The following TAF1L variants were observed in gnomAD, a reference collection of about 807,000 sequenced individuals.
TAF1L encodes transcription initiation factor TFIID subunit 1-like.
Under a neutral mutation model 128.8 loss-of-function variants are expected in TAF1L, and 30 were observed. The ratio of observed to expected loss-of-function variants is 0.23; its 90% CI spans 0.17 to 0.32. The LOEUF is 0.32. TAF1L is among the 10% of genes least tolerant of loss of function. The pLI, the probability that TAF1L is intolerant of heterozygous loss-of-function variation, is 1.00. For missense variants in TAF1L, 2,099 were observed against 2,253.7 expected (o/e 0.93, Z 1.39); for synonymous variants, 764 against 790.7 (o/e 0.97, Z 0.57).
rs945182581 is a variant in TAF1L at position 32,631,287 on chromosome 9, C to T, written c.4293G>A (p.Lys1431=). The change falls in exon 1 of 1, where the codon AAG becomes AAA. Residue 1431 remains lysine (K), a synonymous_variant. Transcript: ENST00000242310. This position sits in a 1 kb window ranked among gnomAD's most constrained non-coding sequence, Gnocchi z 4.1. ...THPFHTPVNA[K]VVKDYYKIIT... is the part of the protein sequence containing the mutation. ...TGATTTTGTAGTAGTCCTTTACAACCTTTGCATTGACTGGAGTGTGGAAAG... is the reference window on the plus strand; with the variant it reads ...TGATTTTGTAGTAGTCCTTTACAACTTTTGCATTGACTGGAGTGTGGAAAG... The T allele has an allele frequency of 6.2e-7, 1 of 1,614,160 alleles. No individual in the cohort carries two copies. Among genetic ancestry groups the T allele is most frequent in the Non-Finnish European group, 8.5e-7 (1 of 1,180,030 alleles).
In TAF1L at chr9:32,635,623, G is replaced by A; in HGVS notation, c.-44C>T. On this transcript the variant is annotated 5_prime_UTR_variant, in exon 1 of 1. Transcript: ENST00000242310. ...CAGTCGCCCGGAAGTGATCTACTTAGCTCCCTTACCCTACCAGCGTCTACC... is the reference window on the plus strand; with the variant it reads ...CAGTCGCCCGGAAGTGATCTACTTAACTCCCTTACCCTACCAGCGTCTACC... 2 of 1,383,960 alleles carry A rather than the reference G, an allele frequency of 1.4e-6. No individual in the cohort carries two copies. The highest frequency in any genetic ancestry group is 1.9e-6 in the Non-Finnish European group (2 of 1,041,932). 85.7% of individuals were successfully genotyped at this position (1,383,960 alleles called of 1,614,324 possible).
In TAF1L at chr9:32,631,526, C is replaced by A; in HGVS notation, c.4054G>T (p.Val1352Leu). 1 of 1,614,206 alleles carries A rather than the reference C, an allele frequency of 6.2e-7. No homozygotes were observed. Among genetic ancestry groups the A allele is most frequent in the South Asian group, 1.1e-5 (1 of 91,084 alleles). Reference sequence around the variant, plus strand: ...AGAGATTTTCTGCGAACCTCATGCACATTCTCAATTAGCTGTTTCCCGAAG... The same window carrying A: ...AGAGATTTTCTGCGAACCTCATGCAAATTCTCAATTAGCTGTTTCCCGAAG... ...IVFGKQLIEN[V>L]HEVRRKSLVL... Residue 1352 changes from valine (V) to leucine (L), a missense_variant, in exon 1 of 1, where the codon GTG becomes TTG. Val to Leu is a conservative substitution (Grantham distance 32, BLOSUM62 1). Around this residue, in one of 4 missense-constraint regions of TAF1L, gnomAD observed 1,213 missense variants for 1,391.4 expected, o/e 0.87. Coordinates refer to ENST00000242310, the MANE Select transcript of TAF1L (RefSeq NM_153809.2). This position sits in a 1 kb window ranked among gnomAD's most constrained non-coding sequence, Gnocchi z 4.1.
In TAF1L at chr9:32,630,603, C is replaced by G; in HGVS notation, c.4977G>C (p.Gly1659=). The part of the protein sequence containing the change: ...ELESLDPMTP[G]PYTSQPPDMY... ...TATCAGGAGGCTGAGATGTGTAGGG[C>G]CCTGGGGTCATTGGGTCCAGGCTTT... is the stretch of plus-strand genomic sequence containing the variant. Residue 1659 remains glycine, a synonymous_variant, in exon 1 of 1, where the codon GGG becomes GGC. Transcript: ENST00000242310. 6.2e-7 allele frequency: 1 copy of G among 1,614,108 alleles called. No individual in the cohort carries two copies.
At position 32,635,027 on chromosome 9, in the gene TAF1L, T is replaced by C; in HGVS notation, c.553A>G (p.Ile185Val). The part of the protein sequence containing the change: ...TCVSESGEDI[I>V]LPSIIAPSFL... ...GAAGGGGCAATGATGGAGGGCAAGA[T>C]GATGTCTTCTCCACTTTCAGACACA... Residue 185 changes from isoleucine to valine, a missense_variant, in exon 1 of 1, where the codon ATC becomes GTC. Physicochemically the swap from Ile to Val is conservative, Grantham distance 29. Transcript: ENST00000242310. 6.2e-7 allele frequency: 1 copy of C among 1,614,130 alleles called. No homozygotes were observed. Among genetic ancestry groups the C allele is most frequent in the Non-Finnish European group, 8.5e-7 (1 of 1,180,028 alleles).
At position 32,630,829 on chromosome 9, in the gene TAF1L, C is replaced by A; in HGVS notation, c.4751G>T (p.Arg1584Leu). The A allele has an allele frequency of 6.2e-7, 1 of 1,614,138 alleles. No homozygotes were observed. Among genetic ancestry groups the A allele is most frequent in the Non-Finnish European group, 8.5e-7 (1 of 1,180,022 alleles). The stretch of plus-strand genomic sequence containing the variant: ...GTTTACATCATCTAGAAAACTCTCC[C>A]GACTCTGATACTTGTGCTTGGAGAT... ...KNISKHKYQS[R>L]ESFLDDVNLI... is the part of the protein sequence containing the mutation. The change falls in exon 1 of 1, where the codon CGG (arginine) becomes CTG (leucine). Residue 1584 changes from arginine to leucine, a missense_variant. Physicochemically the swap from Arg to Leu is moderately radical, Grantham distance 102 (BLOSUM62 -2). Around this residue, in one of 4 missense-constraint regions of TAF1L, gnomAD observed 404 missense variants for 406.5 expected, o/e 0.99. Transcript: ENST00000242310.
rs55895024 is a variant in TAF1L, at chr9:32,635,391, C to T, written c.189G>A (p.Lys63=). Residue 63 remains lysine (K), a synonymous_variant, in exon 1 of 1, where the codon AAG becomes AAA. Transcript: ENST00000242310. The stretch of plus-strand genomic sequence containing the variant: ...CCAAAGCCCCCAAGCCTGCCAAGTG[C>T]TTCTTACACTCATCATCCAAGACGC... ...GESVLDDECK[K]HLAGLGALGL... 0.019 allele frequency: 30,423 copies of T among 1,614,172 alleles called. 354 individuals carry two copies. Among genetic ancestry groups the T allele is most frequent in the Non-Finnish European group, 0.022 (25,666 of 1,180,030 alleles).
rs757865997 is a variant in TAF1L, at chr9:32,631,552, A to T, written c.4028T>A (p.Val1343Asp). The change falls in exon 1 of 1, where the codon GTC (valine) becomes GAC (aspartate). Residue 1343 changes from valine to aspartate, a missense_variant. Coordinates refer to ENST00000242310, the MANE Select transcript of TAF1L (RefSeq NM_153809.2). The surrounding 1 kb of genome is among the most constrained non-coding windows in gnomAD (Gnocchi z 4.1). ...ATTCTCAATTAGCTGTTTCCCGAAG[A>T]CAATTTTGGTCCCTTCAACCTTGAT... ...ELIKVEGTKI[V>D]FGKQLIENVH... The T allele has an allele frequency of 6.2e-7, 1 of 1,614,170 alleles. No individual in the cohort carries two copies. Among genetic ancestry groups the T allele is most frequent in the South Asian group, 1.1e-5 (1 of 91,074 alleles).
At position 32,634,601 on chromosome 9, in the gene TAF1L, C is replaced by T; in HGVS notation, c.979G>A (p.Asp327Asn). 1.9e-6 allele frequency: 3 copies of T among 1,614,192 alleles called. No individual in the cohort carries two copies. Among genetic ancestry groups the T allele is most frequent in the Non-Finnish European group, 2.5e-6 (3 of 1,180,036 alleles). Residue 327 changes from aspartate to asparagine, a missense_variant, in exon 1 of 1, where the codon GAT becomes AAT. Transcript: ENST00000242310. Reference sequence around the variant, plus strand: ...GGAACCATCATCGTGATTTCATCATCAGCGAGACACTGCTCTGGGGGTGGT... The same window carrying T: ...GGAACCATCATCGTGATTTCATCATTAGCGAGACACTGCTCTGGGGGTGGT... ...PPPPPEQCLA[D>N]DEITMMVPVE...
At position 32,634,107 on chromosome 9, in the gene TAF1L, A is replaced by G; in HGVS notation, c.1473T>C (p.Asn491=). The G allele has an allele frequency of 6.2e-7, 1 of 1,614,202 alleles. No individual in the cohort carries two copies. ...KPWYSIFPID[N]EDLVYGRWED... ...CCCAGCGTCCATACACCAGATCCTC[A>G]TTGTCAATGGGAAAAATGGAGTACC... Residue 491 remains asparagine, a synonymous_variant, in exon 1 of 1, where the codon AAT becomes AAC. Coordinates refer to ENST00000242310, the MANE Select transcript of TAF1L (RefSeq NM_153809.2).
chr9:32,632,211 A>C lies in TAF1L; in HGVS notation c.3369T>G (p.Ile1123Met). ...TTTTCTTGTTCTGCAACATGTTCTC[A>C]ATGTTCTTTCCCATTTCTTCAAAGT... ...DSDFEEMGKN[I>M]ENMLQNKKTS... Residue 1123 changes from isoleucine to methionine, a missense_variant, in exon 1 of 1, where the codon ATT becomes ATG. By Grantham distance (10) the Ile-to-Met change is conservative. This residue lies in a region of TAF1L where 1,213 missense variants were observed against 1,391.4 expected (regional missense o/e 0.87). Coordinates refer to ENST00000242310, the MANE Select transcript of TAF1L (RefSeq NM_153809.2). This position sits in a 1 kb window ranked among gnomAD's most constrained non-coding sequence, Gnocchi z 4.4. The C allele has an allele frequency of 2.5e-6, 4 of 1,614,138 alleles. No individual in the cohort carries two copies. The highest frequency in any genetic ancestry group is 3.4e-6 in the Non-Finnish European group (4 of 1,180,034).
Position 32,632,016 on chromosome 9 carries a change from G to A in TAF1L, c.3564C>T (p.Arg1188=). Residue 1188 remains arginine, a synonymous_variant, in exon 1 of 1, where the codon CGC becomes CGT. Transcript: ENST00000242310. The surrounding 1 kb of genome is among the most constrained non-coding windows in gnomAD (Gnocchi z 4.4). The part of the protein sequence containing the change: ...SATGHCLKIY[R]TFRDEEGKEY... The stretch of plus-strand genomic sequence containing the variant: ...CTTTCCCCTCTTCATCTCGAAATGT[G>A]CGATAAATCTTGAGACAGTGTCCAG... 4.3e-6 allele frequency: 7 copies of A among 1,614,164 alleles called. No individual in the cohort carries two copies. The highest frequency in any genetic ancestry group is 5.9e-6 in the Non-Finnish European group (7 of 1,180,038).
Position 32,629,908 on chromosome 9 carries a change from G to A in TAF1L, c.*191C>T, listed in dbSNP as rs1444669247. 14 of 1,127,964 alleles carry A rather than the reference G, an allele frequency of 1.2e-5. No individual in the cohort carries two copies. Among genetic ancestry groups the A allele is most frequent in the East Asian group, 2.5e-5 (1 of 39,682 alleles). 69.9% of individuals were successfully genotyped at this position (1,127,964 alleles called of 1,614,324 possible). A position where few individuals can be genotyped will look rare whatever the true frequency, so the allele number is the denominator to read the frequency against. ...TGACCTCAGGTGATCCACCCGCCTC[G>A]GCCTCCCAGAGTGCTGAGATTACAG... On this transcript the variant is annotated 3_prime_UTR_variant, in exon 1 of 1. Transcript: ENST00000242310.
In TAF1L at chr9:32,632,748, A is replaced by G. The variant is rs148294759; in HGVS notation, c.2832T>C (p.Asp944=). Residue 944 remains aspartate (D), a synonymous_variant, in exon 1 of 1, where the codon GAT becomes GAC. Coordinates refer to ENST00000242310, the MANE Select transcript of TAF1L (RefSeq NM_153809.2). The surrounding 1 kb of genome is among the most constrained non-coding windows in gnomAD (Gnocchi z 4.4). ...TGTTCCAAGGAGCAGCGTGAACTTC[A>G]TCATCAATCTTCATCTGGAAATCTT... ...NEEDFQMKID[D]EVHAAPWNTT... The G allele has an allele frequency of 3.0e-4, 491 of 1,614,178 alleles. 8 individuals carry two copies. The East Asian group carries it at 0.011, about 35-fold the overall frequency.
rs1226430058 is a variant in TAF1L, at chr9:32,630,819, A to G, written c.4761T>C (p.Phe1587=). 6.2e-7 allele frequency: 1 copy of G among 1,614,070 alleles called. No homozygotes were observed. The highest frequency in any genetic ancestry group is 8.5e-7 in the Non-Finnish European group (1 of 1,180,032). Residue 1587 remains phenylalanine (F), a synonymous_variant, in exon 1 of 1, where the codon TTT becomes TTC. Coordinates refer to ENST00000242310, the MANE Select transcript of TAF1L (RefSeq NM_153809.2). Reference sequence around the variant, plus strand: ...CAAGAATAAGGTTTACATCATCTAGAAAACTCTCCCGACTCTGATACTTGT... The same window carrying G: ...CAAGAATAAGGTTTACATCATCTAGGAAACTCTCCCGACTCTGATACTTGT... ...SKHKYQSRES[F]LDDVNLILAN...
chr9:32,631,995 C>T lies in TAF1L; in HGVS notation c.3585G>A (p.Gly1195=), dbSNP rs1314463482. The T allele has an allele frequency of 3.1e-6, 5 of 1,614,084 alleles. No individual in the cohort carries two copies. Among genetic ancestry groups the T allele is most frequent in the Non-Finnish European group, 4.2e-6 (5 of 1,180,054 alleles). ...CTGTCTCACAGCGAACATACTCTTT[C>T]CCCTCTTCATCTCGAAATGTGCGAT... ...KIYRTFRDEE[G]KEYVRCETVR... The change falls in exon 1 of 1, where the codon GGG becomes GGA. Residue 1195 remains glycine, a synonymous_variant. Transcript: ENST00000242310. The surrounding 1 kb of genome is among the most constrained non-coding windows in gnomAD (Gnocchi z 4.1).
rs764175922 is a variant in TAF1L, at chr9:32,635,338, G to A, written c.242C>T (p.Thr81Met). Reference sequence around the variant, plus strand: ...AGTCCCAGTCAATTCTTCATTTGCCGTGAGTTCAGTGATTAGGCTGCCCAG... The same window carrying A: ...AGTCCCAGTCAATTCTTCATTTGCCATGAGTTCAGTGATTAGGCTGCCCAG... ...LGLGSLITEL[T>M]ANEELTGTGG... The change falls in exon 1 of 1, where the codon ACG becomes ATG. Residue 81 changes from threonine to methionine, a missense_variant. Physicochemically the swap from Thr to Met is moderately conservative, Grantham distance 81. This residue lies in a region of TAF1L where 473 missense variants were observed against 429.6 expected (regional missense o/e 1.10). Coordinates refer to ENST00000242310, the MANE Select transcript of TAF1L (RefSeq NM_153809.2). The A allele has an allele frequency of 3.7e-5, 60 of 1,613,942 alleles. 1 individual carries two copies. The East Asian group carries it at 7.1e-4, about 19-fold the overall frequency.
chr9:32,633,920 G>A lies in TAF1L; in HGVS notation c.1660C>T (p.Leu554=), dbSNP rs771747922. The A allele has an allele frequency of 1.9e-6, 3 of 1,614,210 alleles. No homozygotes were observed. In the East Asian group the frequency reaches 6.7e-5, roughly 36 times the overall value. ...CCCAAGAGAATTCGACTCTTCTTCA[G>A]AGATGATTCCTTCTTACTCTCCTTG... The part of the protein sequence containing the change: ...PSKESKKESS[L]KKSRILLGKT... The change falls in exon 1 of 1, where the codon CTG becomes TTG. Residue 554 remains leucine, a synonymous_variant. Coordinates refer to ENST00000242310, the MANE Select transcript of TAF1L (RefSeq NM_153809.2).
At position 32,634,468 on chromosome 9, in the gene TAF1L, A is replaced by T. The variant is rs148047141; in HGVS notation, c.1112T>A (p.Met371Lys). The change falls in exon 1 of 1, where the codon ATG (methionine) becomes AAG (lysine). Residue 371 changes from methionine to lysine, a missense_variant. Coordinates refer to ENST00000242310, the MANE Select transcript of TAF1L (RefSeq NM_153809.2). Reference sequence around the variant, plus strand: ...ACTGCCATCTTCGGAGACACCCAGCATATCATACCACAGTCGGGCAGGCCC... The same window carrying T: ...ACTGCCATCTTCGGAGACACCCAGCTTATCATACCACAGTCGGGCAGGCCC... ...RYGPARLWYDMLGVSEDGSGF... is the reference protein window; with the variant it reads ...RYGPARLWYDKLGVSEDGSGF... 2.2e-4 allele frequency: 351 copies of T among 1,614,114 alleles called. 3 individuals carry two copies. Among genetic ancestry groups the T allele is most frequent in the Non-Finnish European group, 8.8e-5 (104 of 1,180,048 alleles).
chr9:32,632,962 C>T lies in TAF1L; in HGVS notation c.2618G>A (p.Arg873His), dbSNP rs752806449. ...KRLKLCADFK[R>H]TGMDSNWWVL... The stretch of plus-strand genomic sequence containing the variant: ...CCACCAGTTTGAATCCATCCCTGTG[C>T]GTTTGAAGTCAGCGCAGAGCTTTAG... Residue 873 changes from arginine to histidine, a missense_variant, in exon 1 of 1, where the codon CGC becomes CAC. This residue lies in a region of TAF1L where 1,213 missense variants were observed against 1,391.4 expected (regional missense o/e 0.87). Coordinates refer to ENST00000242310, the MANE Select transcript of TAF1L (RefSeq NM_153809.2). This position sits in a 1 kb window ranked among gnomAD's most constrained non-coding sequence, Gnocchi z 4.4. 22 of 1,614,092 alleles carry T rather than the reference C, an allele frequency of 1.4e-5. No homozygotes were observed. The highest frequency in any genetic ancestry group is 9.9e-5 in the South Asian group (9 of 91,090).
Sources: allele counts gnomAD v4.1 joint callset, GRCh38; gene constraint gnomAD v4.1.1; regional missense constraint gnomAD v4.1.1; non-coding constraint Gnocchi (gnomAD v3.1); transcripts MANE v1.5; gene names NCBI Gene and HGNC (gene_info 2026-07-23, HGNC 2026-07-21).